The following CSMD1 variants were observed in gnomAD, a reference collection of about 807,000 sequenced individuals.
The protein encoded by CSMD1 is CUB and Sushi multiple domains 1.
In CSMD1, 213 loss-of-function variants were observed where a neutral mutation model predicts 417.5. The observed-to-expected ratio is 0.51, with a 90% CI of 0.46 to 0.57. CSMD1 has a LOEUF of 0.57. CSMD1 is among the 20% of genes least tolerant of loss of function. The probability of loss-of-function intolerance (pLI) is 0.00; values close to 1 mark genes in which losing one functional copy is unlikely to be tolerated. For missense variants in CSMD1, 6,923 were observed against 4,529.7 expected (o/e 1.53, Z -15.17); for synonymous variants, 2,862 against 1,736.8 (o/e 1.65, Z -16.11).
intron 23 of CSMD1, among the ~76,000 whole-genome samples, chr8:3,341,524 C>T (rs1174765820): frequency 1.3e-5 from 2 of 152,082 alleles, no homozygotes; most frequent in Non-Finnish European, 2.9e-5. Context: ...GAGCTGAGCA[C>T]AATGTGTTTT....
intron 3 of CSMD1, among the ~76,000 whole-genome samples, chr8:4,340,427 C>T (rs562065723): frequency 1.3e-4 from 20 of 152,202 alleles, no homozygotes; most frequent in South Asian, 6.2e-4. Flanking sequence ...ATAAACTCCT[C>T]AATTAAGCTG....
At chr8:4,897,747 T>C (rs1044631171) in intron 1 of CSMD1, among the ~76,000 whole-genome samples, 1 of 152,118 alleles carries the variant, frequency 6.6e-6, no homozygotes, top group Non-Finnish European at 1.5e-5. Flanking sequence ...ACTCATCAAC[T>C]GTTACTGCAT....
intron 1 of CSMD1, among the ~76,000 whole-genome samples, chr8:4,839,504 A>T (rs961406198): frequency 6.6e-6 from 1 of 152,114 alleles, no homozygotes; most frequent in African/African-American, 2.4e-5. Context: ...AACAACTGTG[A>T]TTTTTTCTGG....
intron 3 of CSMD1, among the ~76,000 whole-genome samples, chr8:4,151,643 G>A: frequency 6.6e-6 from 1 of 152,218 alleles, no homozygotes; most frequent in Middle Eastern, 3.4e-3. Context: ...TCAAGAATCT[G>A]TGGCATCATT....
rs572645192 is a variant in CSMD1 at position 3,596,158 on chromosome 8, G to A, written c.1098-9898C>T. Among the ~76,000 whole-genome samples the A allele has an allele frequency of 7.9e-5, 12 of 152,244 alleles. No homozygotes were observed. The South Asian group carries it at 1.9e-3, about 24-fold the overall frequency. Reference sequence around the variant, plus strand: ...GAGGGAGGAAACAGTGAGGAGTGTCGGAGGCAGAGACATGGGAGAAGGAAG... The same window carrying A: ...GAGGGAGGAAACAGTGAGGAGTGTCAGAGGCAGAGACATGGGAGAAGGAAG... On this transcript the variant is annotated intron_variant, in intron 8 of 69. Coordinates refer to ENST00000635120, the MANE Select transcript of CSMD1 (RefSeq NM_033225.6).
intron 50 of CSMD1, among the ~76,000 whole-genome samples, chr8:3,044,650 C>T (rs947537500): frequency 6.6e-6 from 1 of 151,582 alleles, no homozygotes; most frequent in Non-Finnish European, 1.5e-5. Flanking sequence ...AAAAAGGGAC[C>T]TCAAACATCT....
At chr8:4,078,946 T>C (rs1799981043) in intron 3 of CSMD1, among the ~76,000 whole-genome samples, 1 of 134,852 alleles carries the variant, frequency 7.4e-6, no homozygotes, top group South Asian at 2.3e-4. Context: ...TATATATGTA[T>C]GTTGAAAAGC....
intron 2 of CSMD1, among the ~76,000 whole-genome samples, chr8:4,439,016 G>C (rs1455393991): frequency 1.3e-5 from 2 of 152,236 alleles, no homozygotes; most frequent in East Asian, 3.9e-4. Context: ...TTTCAGAACT[G>C]AATAATAAAC....
intron 5 of CSMD1, among the ~76,000 whole-genome samples, chr8:3,959,554 G>T (rs539007115): frequency 1.3e-5 from 2 of 152,184 alleles, no homozygotes; most frequent in Non-Finnish European, 2.9e-5. Context: ...GAGAGACAAA[G>T]AGTTCCCATA....
At chr8:4,563,086 G>A (rs901894788) in intron 2 of CSMD1, among the ~76,000 whole-genome samples, 5 of 151,994 alleles carry the variant, frequency 3.3e-5, no homozygotes, top group African/African-American at 1.2e-4. Flanking sequence ...TATGAATCTG[G>A]GTTTCTGGAA....
At chr8:3,400,349 GAA>G (rs1235775054) in intron 15 of CSMD1, among the ~76,000 whole-genome samples, 2 of 151,952 alleles carry the variant, frequency 1.3e-5, no homozygotes, top group African/African-American at 4.8e-5. Flanking sequence ...TAAAGTACGT[GAA>G]AATACTCCAA....
At chr8:4,923,792 T>C (rs1222384714) in intron 1 of CSMD1, among the ~76,000 whole-genome samples, 2 of 152,120 alleles carry the variant, frequency 1.3e-5, no homozygotes, top group East Asian at 3.9e-4. Flanking sequence ...AGTGTCCCAA[T>C]GGTAGAAATA....
intron 3 of CSMD1, among the ~76,000 whole-genome samples, chr8:4,051,042 C>G (rs73658555): frequency 6.6e-6 from 1 of 151,974 alleles, no homozygotes; most frequent in African/African-American, 2.4e-5. Context: ...AACATGATGC[C>G]TGAAATCCTC....
chr8:4,170,471 C>G (rs145391057), intron 3 of CSMD1, among the ~76,000 whole-genome samples: 2 of 152,020 alleles, frequency 1.3e-5, no homozygotes, highest in Admixed American at 1.3e-4. Flanking sequence ...ATAGGTGCCT[C>G]TACTTCCTTC....
chr8:4,096,741 T>G (rs7839451), intron 3 of CSMD1, among the ~76,000 whole-genome samples: 1 of 152,040 alleles, frequency 6.6e-6, no homozygotes, highest in African/African-American at 2.4e-5. Flanking sequence ...ATAAAAAGAA[T>G]ATTGTATGAG....
intron 3 of CSMD1, among the ~76,000 whole-genome samples, chr8:4,332,755 T>TA (rs2128891476): frequency 6.6e-6 from 1 of 152,116 alleles, no homozygotes; most frequent in African/African-American, 2.4e-5. Flanking sequence ...GACACATATG[T>TA]AATGGCATGT....
In CSMD1 at chr8:4,408,120, C is replaced by G. The variant is rs143874779; in HGVS notation, c.415+11833G>C. On this transcript the variant is annotated intron_variant, in intron 3 of 69. Transcript: ENST00000635120. ...AAAAGTTTATGCCTGAATGGAAAAA[C>G]AAAATGGAAACTTCGAGTACACATG... Among the ~76,000 whole-genome samples the G allele has an allele frequency of 2.0e-5, 3 of 152,156 alleles. No individual in the cohort carries two copies. In the East Asian group the frequency reaches 5.8e-4, roughly 29 times the overall value.
At chr8:4,677,500 A>G (rs17071021) in intron 1 of CSMD1, among the ~76,000 whole-genome samples, 13,502 of 152,210 alleles carry the variant, frequency 0.089, 658 homozygotes, top group East Asian at 0.15. Flanking sequence ...TATATGTTCA[A>G]GCCAGAAGAA....
chr8:4,722,281 A>C (rs981726109), intron 1 of CSMD1, among the ~76,000 whole-genome samples: 3 of 152,132 alleles, frequency 2.0e-5, no homozygotes, highest in Non-Finnish European at 4.4e-5. Context: ...TTCCTTAAAT[A>C]CAGACTGCAA....
Sources: gnomAD v4.1 joint callset for allele counts (sites outside exome capture counted in the v4.1 genomes callset) on GRCh38, gnomAD v4.1.1 for gene constraint, MANE v1.5 for transcripts, NCBI Gene and HGNC (gene_info 2026-07-23, HGNC 2026-07-21) for gene names.